Variants in NHSL1 observed in about 807,000 individuals in gnomAD.
NHSL1 encodes NHS like 1.
In NHSL1, 48 loss-of-function variants were observed where a neutral mutation model predicts 95.0. The ratio of observed to expected loss-of-function variants is 0.51; its 90% CI spans 0.40 to 0.64. NHSL1 has a LOEUF of 0.64. NHSL1 is among the 30% of genes least tolerant of loss of function. NHSL1 has a pLI of 0.00. For missense variants in NHSL1, 1,971 were observed against 2,077.7 expected (o/e 0.95, Z 1.00); for synonymous variants, 783 against 833.9 (o/e 0.94, Z 1.05).
chr6:138,504,646 A>AGTG (rs1780865217), intron 1 of NHSL1, among the ~76,000 whole-genome samples: 1 of 152,142 alleles, frequency 6.6e-6, no homozygotes, highest in Non-Finnish European at 1.5e-5. Context: ...ACCGTGGGTG[A>AGTG]GTGGTAGGTG....
chr6:138,467,918 A>G (rs143168564), intron 3 of NHSL1, among the ~76,000 whole-genome samples: 3,522 of 151,920 alleles, frequency 0.023, 91 homozygotes, highest in Non-Finnish European at 0.028. Context: ...AAAGAAACAT[A>G]TTTCTTTTTT....
intron 1 of NHSL1, among the ~76,000 whole-genome samples, chr6:138,646,902 G>C: frequency 6.6e-6 from 1 of 152,184 alleles, no homozygotes; most frequent in East Asian, 1.9e-4. Context: ...AGCCCATTAA[G>C]AATTTTAATT....
intron 1 of NHSL1, among the ~76,000 whole-genome samples, chr6:138,629,338 T>G (rs1202087378): frequency 6.6e-6 from 1 of 152,208 alleles, no homozygotes; most frequent in Non-Finnish European, 1.5e-5. Context: ...AAGCACCAAA[T>G]TTATTTGTTG....
chr6:138,595,501 C>T (rs572290551), intron 1 of NHSL1, among the ~76,000 whole-genome samples: 27 of 152,118 alleles, frequency 1.8e-4, no homozygotes, highest in Non-Finnish European at 3.2e-4. Flanking sequence ...ACTTGTGCCC[C>T]GGGAGTTCTA....
intron 1 of NHSL1, 42 bp from the exon 2 acceptor site, chr6:138,496,413 T>C (rs1780356458): frequency 1.6e-5 from 25 of 1,542,492 alleles, no homozygotes; most frequent in Non-Finnish European, 2.1e-5. Flanking sequence ...GTCAACTTCA[T>C]TGGCTACGAG....
At chr6:138,469,454 T>C (rs565984332) in intron 3 of NHSL1, among the ~76,000 whole-genome samples, 19 of 152,342 alleles carry the variant, frequency 1.2e-4, no homozygotes, top group African/African-American at 4.6e-4. Context: ...CTGAGCGCGA[T>C]GACTCACGCC....
upstream of NHSL1, chr6:138,545,825 C>CCTAT (rs2128327926): frequency 8.6e-7 from 1 of 1,168,532 alleles, no homozygotes; most frequent in Non-Finnish European, 1.1e-6. Flanking sequence ...CTGACACCTC[C>CCTAT]CTATCTCTCC....
At chr6:138,647,180 T>C (rs1042060187) in intron 1 of NHSL1, among the ~76,000 whole-genome samples, 4 of 152,192 alleles carry the variant, frequency 2.6e-5, no homozygotes, top group Non-Finnish European at 5.9e-5. Context: ...TGTAGTTTCC[T>C]GTCCTGGGGG....
intron 1 of NHSL1, among the ~76,000 whole-genome samples, chr6:138,641,404 G>A (rs1303730777): frequency 6.6e-6 from 1 of 151,938 alleles, no homozygotes; most frequent in Non-Finnish European, 1.5e-5. Context: ...GAATGGCACG[G>A]GCAAAAAAGC....
intron 1 of NHSL1, among the ~76,000 whole-genome samples, chr6:138,559,966 T>C (rs1258657779): frequency 6.6e-6 from 1 of 152,206 alleles, no homozygotes; most frequent in Non-Finnish European, 1.5e-5. Flanking sequence ...TTAAACTCTC[T>C]GACTTAAAAA....
chr6:138,499,540 G>T, upstream of NHSL1: 1 of 658,386 alleles, frequency 1.5e-6, no homozygotes, highest in Non-Finnish European at 2.1e-6. Context: ...AGAGCAGCCA[G>T]TGACATCGTG....
chr6:138,523,627 G>GGAAAAA (rs1484248538), intron 1 of NHSL1, among the ~76,000 whole-genome samples: 2 of 64,888 alleles, frequency 3.1e-5, no homozygotes, highest in Non-Finnish European at 6.4e-5. Context: ...TTTTAAAGAG[G>GGAAAAA]AAAAAAAAAA....
chr6:138,654,047 C>A (rs1443971015), intron 1 of NHSL1, among the ~76,000 whole-genome samples: 1 of 152,118 alleles, frequency 6.6e-6, no homozygotes, highest in African/African-American at 2.4e-5. Flanking sequence ...ACACCCTGTG[C>A]AGATGGGACT....
intron 1 of NHSL1, among the ~76,000 whole-genome samples, chr6:138,533,068 A>G (rs1782201577): frequency 1.3e-5 from 2 of 152,174 alleles, no homozygotes. Flanking sequence ...GTAATAATCA[A>G]CTCGCTTAAA....
At chr6:138,582,254 T>C (rs1387400038) in intron 1 of NHSL1, among the ~76,000 whole-genome samples, 1 of 152,116 alleles carries the variant, frequency 6.6e-6, no homozygotes, top group Non-Finnish European at 1.5e-5. Flanking sequence ...GTAAATGGAA[T>C]ACTATAAATA....
At chr6:138,597,599 T>C (rs76373917) in intron 1 of NHSL1, among the ~76,000 whole-genome samples, 4,007 of 152,300 alleles carry the variant, frequency 0.026, 169 homozygotes, top group African/African-American at 0.087. Flanking sequence ...TGAAAAATCA[T>C]ATCACTGACC....
intron 3 of NHSL1, 116 bp downstream of exon 3, chr6:138,473,190 G>T: frequency 1.1e-6 from 1 of 920,542 alleles, no homozygotes; most frequent in Non-Finnish European, 1.5e-6. Flanking sequence ...ATTCACTTGA[G>T]ACAATACTAT....
intron 1 of NHSL1, among the ~76,000 whole-genome samples, chr6:138,584,579 A>G (rs1423090041): frequency 6.6e-6 from 1 of 152,214 alleles, no homozygotes; most frequent in African/African-American, 2.4e-5. Context: ...AACTTATTCA[A>G]TAAGGAGAAA....
upstream of NHSL1, among the ~76,000 whole-genome samples, chr6:138,500,030 T>C (rs144169984): frequency 1.6e-4 from 24 of 152,152 alleles, no homozygotes; most frequent in East Asian, 3.7e-3. Flanking sequence ...AGAATCAGCA[T>C]TGTGTGTTCC....
Sources: gnomAD v4.1 joint callset for allele counts (sites outside exome capture counted in the v4.1 genomes callset) on GRCh38, gnomAD v4.1.1 for gene constraint, MANE v1.5 for transcripts, NCBI Gene and HGNC (gene_info 2026-07-23, HGNC 2026-07-21) for gene names.